Variants in CFAP299 observed in about 807,000 individuals in gnomAD.
CFAP299 encodes cilia- and flagella-associated protein 299.
A neutral mutation model predicts 27.0 loss-of-function variants in CFAP299; 21 were observed. The ratio of observed to expected loss-of-function variants is 0.78; its 90% CI spans 0.55 to 1.12. CFAP299 has a LOEUF of 1.12. Among genes scored for constraint, CFAP299 ranks in the 50% most tolerant of loss-of-function variants. The probability of loss-of-function intolerance (pLI) is 0.00; values close to 1 mark genes in which losing one functional copy is unlikely to be tolerated. For missense variants in CFAP299, 310 were observed against 276.6 expected (o/e 1.12, Z -0.86); for synonymous variants, 104 against 98.1 (o/e 1.06, Z -0.36).
At chr4:80,675,725 C>A (rs964602946) in intron 3 of CFAP299, among the ~76,000 whole-genome samples, 1 of 151,912 alleles carries the variant, frequency 6.6e-6, no homozygotes, top group Non-Finnish European at 1.5e-5. Context: ...ACTATGTTTA[C>A]CCACTCAAGT....
intron 3 of CFAP299, among the ~76,000 whole-genome samples, chr4:80,592,549 A>T (rs1736839807): frequency 6.6e-6 from 1 of 152,186 alleles, no homozygotes; most frequent in African/African-American, 2.4e-5. Flanking sequence ...TACTTCTCAA[A>T]GTTAAAAGAG....
chr4:80,859,258 G>T, intron 3 of CFAP299, among the ~76,000 whole-genome samples: 1 of 152,004 alleles, frequency 6.6e-6, no homozygotes, highest in Non-Finnish European at 1.5e-5. Flanking sequence ...TTTTCCATTT[G>T]CTTGGTAGAT....
chr4:80,963,603 G>C lies in CFAP299; in HGVS notation c.693G>C (p.Arg231Ser). The change falls in exon 6 of 6, where the codon AGG (arginine) becomes AGC (serine). Residue 231 changes from arginine to serine, a missense_variant. By Grantham distance (110) the Arg-to-Ser change is moderately radical. Coordinates refer to ENST00000358105, the MANE Select transcript of CFAP299 (RefSeq NM_152770.3). Reference protein sequence around the residue: ...QAVIFDHISRRKT With the variant: ...QAVIFDHISRSKT ...TCATTTTTGACCACATTTCCAGAAG[G>C]AAGACTTAAGTACCAACATGTTAAT... 6.3e-7 allele frequency: 1 copy of C among 1,586,296 alleles called. No homozygotes were observed.
chr4:80,521,134 G>T (rs1483397840), intron 2 of CFAP299, among the ~76,000 whole-genome samples: 3 of 152,134 alleles, frequency 2.0e-5, no homozygotes, highest in African/African-American at 4.8e-5. Context: ...ACAAAAGTAA[G>T]TATTCGAAAT....
chr4:80,355,601 C>T (rs1357471866), intron 1 of CFAP299, among the ~76,000 whole-genome samples: 2 of 152,066 alleles, frequency 1.3e-5, no homozygotes, highest in Non-Finnish European at 2.9e-5. Flanking sequence ...CATGATCCAT[C>T]TGCCTCGGCC....
rs1262095575 is a variant in CFAP299, at chr4:80,488,158, TA to T, written c.243-94932del. ...TCTGTGATGAGATCTCTAGGAATGT[TA>T]AAGTACATTAAGCTTTCATATGTTT... On this transcript the variant is annotated intron_variant, in intron 2 of 5. Coordinates refer to ENST00000358105, the MANE Select transcript of CFAP299 (RefSeq NM_152770.3). 2.6e-5 allele frequency among the ~76,000 whole-genome samples: 4 copies of T among 152,340 alleles called. No homozygotes were observed. In the East Asian group the frequency reaches 5.8e-4, roughly 22 times the overall value.
chr4:80,803,254 T>A (rs1054555382), intron 3 of CFAP299, among the ~76,000 whole-genome samples: 3 of 152,072 alleles, frequency 2.0e-5, no homozygotes, highest in Admixed American at 1.3e-4. Flanking sequence ...ATAAGGGTAA[T>A]TATTAACATA....
At chr4:80,487,701 TTC>T (rs1240309855) in intron 2 of CFAP299, among the ~76,000 whole-genome samples, 1 of 152,146 alleles carries the variant, frequency 6.6e-6, no homozygotes, top group Non-Finnish European at 1.5e-5. Flanking sequence ...GAATCTGAAT[TTC>T]TCTGTTTTGT....
At chr4:80,765,387 A>T (rs76540901) in intron 3 of CFAP299, among the ~76,000 whole-genome samples, 3,131 of 152,236 alleles carry the variant, frequency 0.021, 80 homozygotes, top group South Asian at 0.062. Context: ...AAGTAATTCC[A>T]CATCCAGGCT....
At chr4:80,826,703 A>G (rs1185040836) in intron 3 of CFAP299, among the ~76,000 whole-genome samples, 1 of 151,864 alleles carries the variant, frequency 6.6e-6, no homozygotes, top group Non-Finnish European at 1.5e-5. Flanking sequence ...AAAATAGCTA[A>G]ATCTAATAGA....
At chr4:80,525,683 A>C (rs1021706461) in intron 2 of CFAP299, among the ~76,000 whole-genome samples, 1 of 152,108 alleles carries the variant, frequency 6.6e-6, no homozygotes, top group Non-Finnish European at 1.5e-5. Flanking sequence ...AGCGCCAGCC[A>C]TCTCAGCTTC....
At chr4:80,806,954 G>T (rs903908495) in intron 3 of CFAP299, among the ~76,000 whole-genome samples, 1 of 152,078 alleles carries the variant, frequency 6.6e-6, no homozygotes, top group Non-Finnish European at 1.5e-5. Flanking sequence ...AAAAATTATA[G>T]ACCTGATTAT....
chr4:80,523,376 CTTT>C (rs914160861), intron 2 of CFAP299, among the ~76,000 whole-genome samples: 1 of 152,020 alleles, frequency 6.6e-6, no homozygotes, highest in Non-Finnish European at 1.5e-5. Flanking sequence ...TGATCATAAA[CTTT>C]TTTTACTAAT....
intron 3 of CFAP299, among the ~76,000 whole-genome samples, chr4:80,587,494 A>G (rs1024149686): frequency 6.6e-6 from 1 of 152,188 alleles, no homozygotes; most frequent in African/African-American, 2.4e-5. Context: ...TTCCCCACCC[A>G]AAGTATGGGG....
intron 2 of CFAP299, among the ~76,000 whole-genome samples, chr4:80,569,903 A>G (rs577465268): frequency 1.3e-5 from 2 of 152,192 alleles, no homozygotes; most frequent in African/African-American, 4.8e-5. Context: ...TGGAAATTCA[A>G]ATAAAAATTC....
At chr4:80,684,561 C>A (rs949733607) in intron 3 of CFAP299, among the ~76,000 whole-genome samples, 1 of 152,184 alleles carries the variant, frequency 6.6e-6, no homozygotes, top group Admixed American at 6.5e-5. Context: ...AGCCACTGCG[C>A]CCGGCCTGAG....
At chr4:80,464,249 C>T (rs965631704) in intron 2 of CFAP299, among the ~76,000 whole-genome samples, 5 of 152,080 alleles carry the variant, frequency 3.3e-5, no homozygotes, top group Non-Finnish European at 7.4e-5. Context: ...ACTTACATTG[C>T]TAGGACTGAA....
At chr4:80,899,721 C>G (rs1213987353) in intron 4 of CFAP299, among the ~76,000 whole-genome samples, 2 of 152,152 alleles carry the variant, frequency 1.3e-5, no homozygotes, top group Non-Finnish European at 2.9e-5. Flanking sequence ...GTAAAAAATG[C>G]AAACTCTGGC....
At chr4:80,406,833 C>T (rs181926506) in intron 2 of CFAP299, among the ~76,000 whole-genome samples, 23 of 152,252 alleles carry the variant, frequency 1.5e-4, no homozygotes, top group Middle Eastern at 3.4e-3. Context: ...CCACAACAAC[C>T]TTGAAGGGTA....
Sources: gnomAD v4.1 joint callset for allele counts (sites outside exome capture counted in the v4.1 genomes callset) on GRCh38, gnomAD v4.1.1 for gene constraint, MANE v1.5 for transcripts, NCBI Gene and HGNC (gene_info 2026-07-23, HGNC 2026-07-21) for gene names.